Variants in LIN9 observed in about 807,000 individuals in gnomAD.
LIN9 encodes lin-9 DREAM MuvB core complex component.
A neutral mutation model predicts 78.0 loss-of-function variants in LIN9; 18 were observed. The ratio of observed to expected loss-of-function variants is 0.23; its 90% CI spans 0.16 to 0.34. LIN9 has a LOEUF of 0.34. LIN9 is among the 10% of genes least tolerant of loss of function. LIN9 has a pLI of 1.00. For missense variants in LIN9, 451 were observed against 644.1 expected, an observed-to-expected ratio of 0.70 and a Z score of 3.25; for synonymous variants, 192 against 215.2, an observed-to-expected ratio of 0.89 and a Z score of 0.94.
At chr1:226,287,409 C>T (rs1661441746) in intron 5 of LIN9, among the ~76,000 whole-genome samples, 1 of 152,154 alleles carries the variant, frequency 6.6e-6, no homozygotes, top group African/African-American at 2.4e-5. Context: ...ACTCCATAGT[C>T]TTTAAGAATT....
upstream of LIN9, chr1:226,309,189 G>A (rs750152491): frequency 3.7e-5 from 54 of 1,456,198 alleles, no homozygotes; most frequent in Admixed American, 2.6e-4. Context: ...GCGGTGCATT[G>A]TGGGGCGGAG....
intron 10 of LIN9, among the ~76,000 whole-genome samples, chr1:226,260,837 G>C (rs1659533901): frequency 6.6e-6 from 1 of 151,592 alleles, no homozygotes; most frequent in Non-Finnish European, 1.5e-5. Context: ...AGTAGAGACG[G>C]GGTTTCACCA....
In LIN9 at chr1:226,232,118, A is replaced by C. The variant is rs929761749; in HGVS notation, c.*383T>G. The C allele has an allele frequency of 2.5e-6, 1 of 398,882 alleles. No homozygotes were observed. Among genetic ancestry groups the C allele is most frequent in the Non-Finnish European group, 4.4e-6 (1 of 226,104 alleles). The allele number at this position is 398,882 out of a possible 1,614,324, so 24.7% of individuals were successfully genotyped here. A position where few individuals can be genotyped will look rare whatever the true frequency, so the allele number is the denominator to read the frequency against. ...TCCACACTGCCACCGACATGAATAAAAAGACCAGGTTTCTTCATACTCTCC... is the reference window on the plus strand; with the variant it reads ...TCCACACTGCCACCGACATGAATAACAAGACCAGGTTTCTTCATACTCTCC... On this transcript the variant is annotated 3_prime_UTR_variant, in exon 15 of 15. Transcript: ENST00000681046.
At chr1:226,268,206 C>A in intron 7 of LIN9, 116 bp from the exon 8 acceptor site, 1 of 896,930 alleles carries the variant, frequency 1.1e-6, no homozygotes, top group South Asian at 4.5e-5. Context: ...ATTAGAGTTT[C>A]AAAACAAGCA....
At chr1:226,280,832 T>C (rs1045321748) in intron 6 of LIN9, among the ~76,000 whole-genome samples, 2 of 152,162 alleles carry the variant, frequency 1.3e-5, no homozygotes, top group Non-Finnish European at 2.9e-5. Context: ...CAACATCTTT[T>C]AGAAATCTTC....
intron 11 of LIN9, among the ~76,000 whole-genome samples, chr1:226,245,983 G>T (rs761803498): frequency 6.6e-6 from 1 of 152,082 alleles, no homozygotes; most frequent in East Asian, 1.9e-4. Flanking sequence ...ATCCATCTTT[G>T]ATTTATCTAG....
intron 5 of LIN9, among the ~76,000 whole-genome samples, chr1:226,287,276 C>G (rs949528905): frequency 1.3e-5 from 2 of 152,200 alleles, no homozygotes; most frequent in Non-Finnish European, 2.9e-5. Context: ...AGACTACCCT[C>G]TTAAAAATCT....
At position 226,309,113 on chromosome 1, in the gene LIN9, G is replaced by A. The variant is rs376356846; in HGVS notation, c.27C>T (p.Asp9=). The stretch of plus-strand genomic sequence containing the variant: ...GTGCTTTGAGGTGCTACTCACTCTC[G>A]TCAGGCAACTGGTCGAGCTCCGCCA... The part of the protein sequence containing the change: MAELDQLP[D]ESSSAKALVS... The change falls in exon 1 of 15, where the codon GAC becomes GAT. Residue 9 remains aspartate, a synonymous_variant. Transcript: ENST00000681046. 1.4e-4 allele frequency: 187 copies of A among 1,337,232 alleles called. No individual in the cohort carries two copies. The highest frequency in any genetic ancestry group is 1.8e-4 in the Non-Finnish European group (181 of 1,032,008). The allele number at this position is 1,337,232 out of a possible 1,614,324, so 82.8% of individuals were successfully genotyped here. A position where few individuals can be genotyped will look rare whatever the true frequency, so the allele number is the denominator to read the frequency against.
intron 1 of LIN9, among the ~76,000 whole-genome samples, chr1:226,305,451 C>T (rs1025165434): frequency 6.6e-6 from 1 of 151,262 alleles, no homozygotes; most frequent in African/African-American, 2.4e-5. Context: ...CACGATCATG[C>T]CTCTGCACTC....
At chr1:226,290,630 G>A (rs1159234803) in intron 4 of LIN9, among the ~76,000 whole-genome samples, 4 of 152,090 alleles carry the variant, frequency 2.6e-5, no homozygotes, top group South Asian at 2.1e-4. Flanking sequence ...GTAAGCCACC[G>A]CACCCGGCCA....
At chr1:226,243,236 A>G (rs1034086931) in intron 11 of LIN9, among the ~76,000 whole-genome samples, 7 of 152,264 alleles carry the variant, frequency 4.6e-5, no homozygotes, top group African/African-American at 1.7e-4. Flanking sequence ...TAATTCCACT[A>G]GTAGCCTTAG....
intron 10 of LIN9, among the ~76,000 whole-genome samples, chr1:226,255,877 G>T (rs1475557828): frequency 6.6e-6 from 1 of 151,734 alleles, no homozygotes; most frequent in Non-Finnish European, 1.5e-5. Flanking sequence ...ACTACAAAAG[G>T]TATAACTTAT....
intron 10 of LIN9, among the ~76,000 whole-genome samples, chr1:226,258,665 C>T (rs535931752): frequency 1.5e-4 from 22 of 151,250 alleles, no homozygotes; most frequent in East Asian, 5.9e-4. Context: ...CTGATGCGAG[C>T]GGATCACAAG....
At position 226,232,449 on chromosome 1, in the gene LIN9, A is replaced by G; in HGVS notation, c.*52T>C. 8.0e-7 allele frequency: 1 copy of G among 1,242,858 alleles called. No homozygotes were observed. The highest frequency in any genetic ancestry group is 1.2e-6 in the Non-Finnish European group (1 of 860,488). The allele number at this position is 1,242,858 out of a possible 1,614,324, so 77.0% of individuals were successfully genotyped here. On this transcript the variant is annotated 3_prime_UTR_variant, in exon 15 of 15. Coordinates refer to ENST00000681046, the MANE Select transcript of LIN9 (RefSeq NM_001366245.2). ...GGTGTTGGAAGCCTATATAAAGGAA[A>G]AGAACTTCTCAAAAACAATGTCCCG...
rs182905881 is a variant in LIN9, at chr1:226,305,615, G to A, written c.31+3494C>T. Among the ~76,000 whole-genome samples the A allele has an allele frequency of 3.0e-3, 449 of 152,176 alleles. 1 individual carries two copies. Among genetic ancestry groups the A allele is most frequent in the African/African-American group, 1.0e-2 (414 of 41,518 alleles). ...ATTAGAAGTTAACTGAAAGTAAGGG[G>A]GGTGTGGGGGGGTAGCATTCCAGGT... On this transcript the variant is annotated intron_variant, in intron 1 of 14. Coordinates refer to ENST00000681046, the MANE Select transcript of LIN9 (RefSeq NM_001366245.2).
chr1:226,233,540 G>GCC lies in LIN9; in HGVS notation c.1246-18_1246-17insGG, dbSNP rs1657485701. 1 of 1,584,300 alleles carries GCC rather than the reference G, an allele frequency of 6.3e-7. No homozygotes were observed. On this transcript the variant is annotated splice_polypyrimidine_tract_variant and intron_variant, in intron 12 of 14. Transcript: ENST00000681046. ...TGGAGCAAGCTGAATACAGATGATTGAAGCATGAGACGCATGTTCGAGAAG... is the reference window on the plus strand; with the variant it reads ...TGGAGCAAGCTGAATACAGATGATTGCCAAGCATGAGACGCATGTTCGAGAAG...
rs1658177298 is a variant in LIN9, at chr1:226,242,488, A to T, written c.1120-3392T>A. 2.0e-5 allele frequency among the ~76,000 whole-genome samples: 3 copies of T among 152,240 alleles called. No individual in the cohort carries two copies. In the South Asian group the frequency reaches 6.2e-4, roughly 31 times the overall value. On this transcript the variant is annotated intron_variant, in intron 11 of 14. Coordinates refer to ENST00000681046, the MANE Select transcript of LIN9 (RefSeq NM_001366245.2). Reference sequence around the variant, plus strand: ...TAAAAGAAACTATAAAAGTATCATGAGAAGACAGGAGAATATGTTTATGAA... The same window carrying T: ...TAAAAGAAACTATAAAAGTATCATGTGAAGACAGGAGAATATGTTTATGAA...
upstream of LIN9, chr1:226,309,730 CA>C (rs1263854088): frequency 1.1e-4 from 137 of 1,287,750 alleles, 1 homozygote; most frequent in Non-Finnish European, 1.4e-4. Flanking sequence ...GACTCGGTCC[CA>C]GCGGCCCCTC....
chr1:226,269,959 C>T (rs910394817), intron 7 of LIN9, among the ~76,000 whole-genome samples: 10 of 152,108 alleles, frequency 6.6e-5, no homozygotes, highest in African/African-American at 2.4e-4. Context: ...AGTCTCGCTC[C>T]GTTGCCCAGG....
Sources: gnomAD v4.1 joint callset for allele counts (sites outside exome capture counted in the v4.1 genomes callset) on GRCh38, gnomAD v4.1.1 for gene constraint, MANE v1.5 for transcripts, NCBI Gene and HGNC (gene_info 2026-07-23, HGNC 2026-07-21) for gene names.